The following DNAJC15 variants were observed in gnomAD, a reference collection of about 807,000 sequenced individuals.
DNAJC15 encodes dnaJ homolog subfamily C member 15.
Under a neutral mutation model 22.4 loss-of-function variants are expected in DNAJC15, and 27 were observed. That is an observed-to-expected ratio of 1.20 (90% CI 0.89 to 1.66). DNAJC15 has a LOEUF of 1.66. DNAJC15 is among the 40% of genes most tolerant of loss of function. The probability of loss-of-function intolerance (pLI) is 0.00; values close to 1 mark genes in which losing one functional copy is unlikely to be tolerated. For missense variants in DNAJC15, 208 were observed against 187.1 expected (o/e 1.11, Z -0.65); for synonymous variants, 79 against 63.2 (o/e 1.25, Z -1.19).
At chr13:43,042,522 G>C (rs9533356) in intron 1 of DNAJC15, among the ~76,000 whole-genome samples, 38,656 of 152,020 alleles carry the variant, frequency 0.25, 5,081 homozygotes, top group South Asian at 0.39. Flanking sequence ...CAACTAGGAT[G>C]GGGGGATATG....
rs749708619 is a variant in DNAJC15 at position 43,085,789 on chromosome 13, G to C, written c.333G>C (p.Lys111Asn). The change falls in exon 5 of 6, where the codon AAG becomes AAC. Residue 111 changes from lysine (K) to asparagine (N), a missense_variant. By Grantham distance (94) the Lys-to-Asn change is moderately conservative. Coordinates refer to ENST00000379221, the MANE Select transcript of DNAJC15 (RefSeq NM_013238.3). ...ACAGCCCATCTGCTGGCAAGGCTAA[G>C]ATTAGAACAGCTCATAGGAGAGTCA... ...LGVSPSAGKA[K>N]IRTAHRRVMI... 2 of 1,613,436 alleles carry C rather than the reference G, an allele frequency of 1.2e-6. No individual in the cohort carries two copies. Among genetic ancestry groups the C allele is most frequent in the Non-Finnish European group, 1.7e-6 (2 of 1,179,832 alleles).
intron 5 of DNAJC15, among the ~76,000 whole-genome samples, chr13:43,104,153 C>T (rs1229566998): frequency 2.0e-5 from 3 of 152,130 alleles, no homozygotes; most frequent in Non-Finnish European, 4.4e-5. Flanking sequence ...TCAAGACATA[C>T]ACCATTTCCA....
chr13:43,034,510 T>C (rs950420303), intron 1 of DNAJC15, among the ~76,000 whole-genome samples: 34 of 151,378 alleles, frequency 2.2e-4, no homozygotes, highest in Non-Finnish European at 8.8e-5. Flanking sequence ...AGAGACGGGG[T>C]TTCCCCGTGT....
intron 1 of DNAJC15, among the ~76,000 whole-genome samples, chr13:43,056,142 C>A (rs890641603): frequency 6.7e-6 from 1 of 150,158 alleles, no homozygotes; most frequent in African/African-American, 2.4e-5. Flanking sequence ...TTTATTGAGA[C>A]TTGTTTTTTA....
intron 5 of DNAJC15, among the ~76,000 whole-genome samples, chr13:43,091,717 T>C (rs2040716154): frequency 6.6e-6 from 1 of 152,224 alleles, no homozygotes; most frequent in Non-Finnish European, 1.5e-5. Context: ...TTGAAATGAA[T>C]AGTCAGATCA....
intron 5 of DNAJC15, among the ~76,000 whole-genome samples, chr13:43,093,976 A>C (rs1031572620): frequency 2.0e-5 from 3 of 152,224 alleles, no homozygotes; most frequent in Admixed American, 6.5e-5. Context: ...AAATGTATGA[A>C]GAAAATACGA....
At chr13:43,046,815 C>T (rs1202736523) in intron 1 of DNAJC15, among the ~76,000 whole-genome samples, 1 of 152,192 alleles carries the variant, frequency 6.6e-6, no homozygotes, top group African/African-American at 2.4e-5. Context: ...GCAGACCTGC[C>T]GCTGACTTAC....
intron 1 of DNAJC15, among the ~76,000 whole-genome samples, chr13:43,048,369 GTAATCCCAGC>G (rs1566203684): frequency 6.6e-6 from 1 of 151,924 alleles, no homozygotes; most frequent in African/African-American, 2.4e-5. Flanking sequence ...GCTCATGCCT[GTAATCCCAGC>G]TACTGGGGAG....
At chr13:43,062,977 C>G (rs2040566023) in intron 1 of DNAJC15, among the ~76,000 whole-genome samples, 1 of 151,776 alleles carries the variant, frequency 6.6e-6, no homozygotes, top group South Asian at 2.1e-4. Context: ...CCTCGGCTTC[C>G]CAAAGTGCTG....
intron 1 of DNAJC15, among the ~76,000 whole-genome samples, chr13:43,051,744 C>T (rs2875505): frequency 0.49 from 73,944 of 151,724 alleles, 18,132 homozygotes; most frequent in South Asian, 0.64. Flanking sequence ...ATTGTGCTGC[C>T]ATAAACATGC....
intron 1 of DNAJC15, among the ~76,000 whole-genome samples, chr13:43,050,619 A>T (rs2040498655): frequency 1.3e-5 from 2 of 152,146 alleles, no homozygotes; most frequent in South Asian, 2.1e-4. Flanking sequence ...TTAAAAAAAA[A>T]TTTCAAGTTG....
intron 1 of DNAJC15, among the ~76,000 whole-genome samples, chr13:43,025,764 C>T (rs185283335): frequency 2.6e-5 from 4 of 152,200 alleles, no homozygotes; most frequent in African/African-American, 9.6e-5. Context: ...ATTAGCTGGG[C>T]ATGGTAGCAC....
intron 4 of DNAJC15, among the ~76,000 whole-genome samples, chr13:43,082,119 A>G (rs1435229449): frequency 1.3e-5 from 2 of 151,984 alleles, no homozygotes; most frequent in Non-Finnish European, 2.9e-5. Context: ...ATAATTCAAG[A>G]TAAGATTTGG....
intron 1 of DNAJC15, among the ~76,000 whole-genome samples, chr13:43,032,486 T>C (rs2040408255): frequency 6.6e-6 from 1 of 152,246 alleles, no homozygotes; most frequent in Admixed American, 6.5e-5. Flanking sequence ...CCATTTACAC[T>C]GTCTTATGTC....
At chr13:43,046,002 GAATT>G (rs1262386553) in intron 1 of DNAJC15, among the ~76,000 whole-genome samples, 1 of 152,114 alleles carries the variant, frequency 6.6e-6, no homozygotes, top group East Asian at 1.9e-4. Context: ...AGTATTTATT[GAATT>G]AATTAATGAA....
chr13:43,106,906 A>G (rs987221362), intron 5 of DNAJC15, among the ~76,000 whole-genome samples: 1 of 151,912 alleles, frequency 6.6e-6, no homozygotes, highest in African/African-American at 2.4e-5. Flanking sequence ...ATGTCTGACC[A>G]GTGCAGTAGT....
chr13:43,094,576 C>T (rs2040730746), intron 5 of DNAJC15, among the ~76,000 whole-genome samples: 1 of 152,178 alleles, frequency 6.6e-6, no homozygotes, highest in South Asian at 2.1e-4. Flanking sequence ...TTTGAAACTT[C>T]CAAAAACTTT....
At chr13:43,034,485 T>C (rs898935893) in intron 1 of DNAJC15, among the ~76,000 whole-genome samples, 2 of 151,742 alleles carry the variant, frequency 1.3e-5, no homozygotes, top group African/African-American at 4.8e-5. Flanking sequence ...CCGGCTAATT[T>C]TTTGAATTTT....
chr13:43,047,822 C>G (rs17064071), intron 1 of DNAJC15, among the ~76,000 whole-genome samples: 2,217 of 152,136 alleles, frequency 0.015, 57 homozygotes, highest in African/African-American at 0.048. Context: ...TTAGTACGAG[C>G]CATGAGGAAT....
Sources: allele counts gnomAD v4.1 joint callset (sites outside exome capture counted in the v4.1 genomes callset), GRCh38; gene constraint gnomAD v4.1.1; transcripts MANE v1.5; gene names NCBI Gene and HGNC (gene_info 2026-07-23, HGNC 2026-07-21).